LIN28B: variants seen among roughly 807,000 people sequenced by gnomAD.
LIN28B encodes the protein lin-28 RNA binding posttranscriptional regulator B, also known as protein lin-28 homolog B.
A neutral mutation model predicts 21.9 loss-of-function variants in LIN28B; 5 were observed. The ratio of observed to expected loss-of-function variants is 0.23; its 90% CI spans 0.12 to 0.48. LIN28B has a LOEUF of 0.48. Among genes scored for constraint, LIN28B ranks in the 20% least tolerant of loss-of-function variants. LIN28B has a pLI of 0.98. For synonymous variants in LIN28B, 109 were observed against 111.3 expected (o/e 0.98, Z 0.13); for missense variants, 245 against 310.5 (o/e 0.79, Z 1.58).
intron 2 of LIN28B, among the ~76,000 whole-genome samples, chr6:104,968,407 GTT>G (rs2114585937): frequency 6.6e-6 from 1 of 152,282 alleles, no homozygotes; most frequent in South Asian, 2.1e-4. Context: ...TGGAGAAACT[GTT>G]TTTGCCAGTG....
intron 2 of LIN28B, among the ~76,000 whole-genome samples, chr6:105,013,337 T>A (rs1199845183): frequency 6.6e-6 from 1 of 152,088 alleles, no homozygotes; most frequent in Non-Finnish European, 1.5e-5. Flanking sequence ...TCCCATTTTT[T>A]TTTGAAGCCT....
At chr6:105,076,629 G>A (rs940742143) in intron 3 of LIN28B, among the ~76,000 whole-genome samples, 1 of 151,982 alleles carries the variant, frequency 6.6e-6, no homozygotes, top group Non-Finnish European at 1.5e-5. Context: ...TGTTGTTGGA[G>A]ATGGAGTCTC....
intron 2 of LIN28B, among the ~76,000 whole-genome samples, chr6:104,938,437 G>A (rs1778038190): frequency 6.6e-6 from 1 of 152,064 alleles, no homozygotes; most frequent in African/African-American, 2.4e-5. Flanking sequence ...CCAGGAGTTT[G>A]AGACCAGCGT....
chr6:105,031,540 CT>C (rs1304191296), intron 3 of LIN28B, among the ~76,000 whole-genome samples: 72 of 142,058 alleles, frequency 5.1e-4, no homozygotes, highest in South Asian at 1.1e-3. Context: ...TCTTTTTTTT[CT>C]TTTTTTTTTT....
At chr6:104,975,450 T>C (rs975376624) in intron 2 of LIN28B, among the ~76,000 whole-genome samples, 24 of 152,160 alleles carry the variant, frequency 1.6e-4, no homozygotes, top group African/African-American at 5.8e-4. Context: ...TAGACCCCAG[T>C]TTGCCACCAT....
chr6:104,945,641 G>A (rs1351984766), intron 2 of LIN28B, among the ~76,000 whole-genome samples: 1 of 152,050 alleles, frequency 6.6e-6, no homozygotes, highest in South Asian at 2.1e-4. Flanking sequence ...AACCACTATC[G>A]CTTTCTTTTA....
intron 2 of LIN28B, among the ~76,000 whole-genome samples, chr6:105,017,730 G>C (rs1771057524): frequency 6.6e-6 from 1 of 151,584 alleles, no homozygotes; most frequent in Non-Finnish European, 1.5e-5. Flanking sequence ...AGACACCGGG[G>C]ACTACTAGAG....
At chr6:104,983,512 A>G (rs1475932258) in intron 2 of LIN28B, among the ~76,000 whole-genome samples, 1 of 152,196 alleles carries the variant, frequency 6.6e-6, no homozygotes, top group Non-Finnish European at 1.5e-5. Context: ...ACAGATTATT[A>G]TCAGTTTTAC....
At chr6:105,050,475 G>A (rs1460951765) in intron 3 of LIN28B, among the ~76,000 whole-genome samples, 1 of 151,556 alleles carries the variant, frequency 6.6e-6, no homozygotes, top group Non-Finnish European at 1.5e-5. Flanking sequence ...GGTGGCGGGT[G>A]CCTGTAGTCC....
chr6:104,988,720 G>A (rs1770400165), intron 2 of LIN28B, among the ~76,000 whole-genome samples: 1 of 152,008 alleles, frequency 6.6e-6, no homozygotes, highest in Admixed American at 6.6e-5. Flanking sequence ...TGAGCTTACA[G>A]GTGCTGCCAC....
intron 3 of LIN28B, among the ~76,000 whole-genome samples, chr6:105,075,213 C>T (rs1051223232): frequency 6.6e-6 from 1 of 152,174 alleles, no homozygotes; most frequent in Non-Finnish European, 1.5e-5. Flanking sequence ...AATGGACACA[C>T]ATGATATTTT....
At chr6:105,012,182 C>T (rs1056477046) in intron 2 of LIN28B, among the ~76,000 whole-genome samples, 1 of 147,628 alleles carries the variant, frequency 6.8e-6, no homozygotes, top group Non-Finnish European at 1.5e-5. Context: ...ATAAACCGAC[C>T]TTGGGCTGGG....
At chr6:105,074,657 T>C (rs1772392426) in intron 3 of LIN28B, among the ~76,000 whole-genome samples, 1 of 152,202 alleles carries the variant, frequency 6.6e-6, no homozygotes, top group Non-Finnish European at 1.5e-5. Context: ...TAAAATGATT[T>C]TATGAAGAAC....
At chr6:105,006,826 A>G (rs1215715451) in intron 2 of LIN28B, among the ~76,000 whole-genome samples, 1 of 152,180 alleles carries the variant, frequency 6.6e-6, no homozygotes, top group East Asian at 1.9e-4. Context: ...GCTAGCTCTT[A>G]CAGTTTCTTC....
chr6:104,950,631 A>G (rs1778210149), intron 3 of LIN28B: 1 of 501,332 alleles, frequency 2.0e-6, no homozygotes, highest in Admixed American at 4.4e-5. Flanking sequence ...TACTTTGGCA[A>G]GACAGGTACC....
intron 2 of LIN28B, among the ~76,000 whole-genome samples, chr6:104,967,522 A>G (rs1044310824): frequency 6.9e-6 from 1 of 145,678 alleles, no homozygotes; most frequent in Non-Finnish European, 1.5e-5. Context: ...TGGAGGTTGC[A>G]GAGAACCGAG....
At chr6:104,966,804 G>A (rs751938814) in intron 2 of LIN28B, among the ~76,000 whole-genome samples, 2 of 152,060 alleles carry the variant, frequency 1.3e-5, no homozygotes, top group Non-Finnish European at 2.9e-5. Flanking sequence ...TGTATTTTTA[G>A]TAGAGATGGG....
At chr6:105,020,066 G>A (rs572849616) in intron 2 of LIN28B, among the ~76,000 whole-genome samples, 2 of 148,808 alleles carry the variant, frequency 1.3e-5, no homozygotes, top group South Asian at 4.3e-4. Context: ...ATAAACGATA[G>A]CATTCATACT....
intron 2 of LIN28B, among the ~76,000 whole-genome samples, chr6:105,008,500 T>C (rs958796769): frequency 3.0e-4 from 46 of 152,028 alleles, no homozygotes; most frequent in African/African-American, 9.9e-4. Context: ...AAAAATTAGC[T>C]GGGCGTGGTG....
Sources: allele counts gnomAD v4.1 joint callset (sites outside exome capture counted in the v4.1 genomes callset), GRCh38; gene constraint gnomAD v4.1.1; transcripts MANE v1.5; gene names NCBI Gene and HGNC (gene_info 2026-07-23, HGNC 2026-07-21).